HIPK1: variants seen among roughly 807,000 people sequenced by gnomAD.
HIPK1 encodes homeodomain-interacting protein kinase 1.
Under a neutral mutation model 117.1 loss-of-function variants are expected in HIPK1, and 28 were observed. The ratio of observed to expected loss-of-function variants is 0.24; its 90% CI spans 0.18 to 0.33. HIPK1 has a LOEUF of 0.33. Ranked by LOEUF, HIPK1 falls within the 10% of genes least tolerant of loss-of-function variation. The pLI is 1.00. For synonymous variants in HIPK1, 605 were observed against 562.5 expected (o/e 1.08, Z -1.07); for missense variants, 1,122 against 1,475.1 (o/e 0.76, Z 3.92).
intron 2 of HIPK1, among the ~76,000 whole-genome samples, chr1:113,945,242 G>A (rs1210744480): frequency 3.9e-5 from 6 of 152,082 alleles, no homozygotes; most frequent in African/African-American, 1.2e-4. Context: ...GCTTTTTGTT[G>A]TTGAGTTGTA....
In HIPK1 at chr1:113,941,503, G is replaced by C. The variant is rs1558128909; in HGVS notation, c.1076+44G>C. ...AAATCGTATCTTAGGCTAGAGTTCT[G>C]TCCTTATATTTAACATATACCCCGT... is the stretch of plus-strand genomic sequence containing the variant. On this transcript the variant is annotated intron_variant, in intron 2 of 15. Transcript: ENST00000426820. This position sits in a 1 kb window ranked among gnomAD's most constrained non-coding sequence, Gnocchi z 4.9. The C allele has an allele frequency of 2.7e-6, 4 of 1,474,184 alleles. No homozygotes were observed. Among genetic ancestry groups the C allele is most frequent in the East Asian group, 2.3e-5 (1 of 44,020 alleles). The allele number at this position is 1,474,184 out of a possible 1,614,324, so 91.3% of individuals were successfully genotyped here.
chr1:113,968,305 T>C (rs1672588662), intron 12 of HIPK1, 137 bp from the exon 13 acceptor site: 1 of 691,874 alleles, frequency 1.4e-6, no homozygotes, highest in East Asian at 2.6e-5. Context: ...TCACTGGAAC[T>C]TATATAGTTA....
intron 9 of HIPK1, 138 bp from the exon 10 acceptor site, chr1:113,963,249 G>C: frequency 1.0e-6 from 1 of 957,204 alleles, no homozygotes; most frequent in Non-Finnish European, 1.6e-6. Flanking sequence ...GGGGAAAGTT[G>C]TGTTTGGTAT....
rs754808804 is a variant in HIPK1, at chr1:113,973,252, T to C, written c.3373T>C (p.Ser1125Pro). Residue 1125 changes from serine to proline, a missense_variant, in exon 16 of 16, where the codon TCA becomes CCA. By Grantham distance (74) the Ser-to-Pro change is moderately conservative. This residue lies in a region of HIPK1 where 731 missense variants were observed against 860.4 expected (regional missense o/e 0.85). Coordinates refer to ENST00000426820, the MANE Select transcript of HIPK1 (RefSeq NM_198268.3). ...AAPTSAAALG[S>P]TSSIAHLFSP... ...CCCGACTTCTGCTGCTGCACTGGGC[T>C]CAACCAGCTCCATTGCTCATCTTTT... 30 of 1,614,018 alleles carry C rather than the reference T, an allele frequency of 1.9e-5. No individual in the cohort carries two copies. In the Admixed American group the frequency reaches 3.2e-4, roughly 17 times the overall value.
At chr1:113,959,372 G>A (rs186844952) in intron 8 of HIPK1, among the ~76,000 whole-genome samples, 1 of 152,292 alleles carries the variant, frequency 6.6e-6, no homozygotes. Flanking sequence ...AGGGAGAGCA[G>A]AGGGACAGAT....
chr1:113,936,315 C>A (rs1670245907), intron 1 of HIPK1, among the ~76,000 whole-genome samples: 1 of 152,174 alleles, frequency 6.6e-6, no homozygotes, highest in Admixed American at 6.5e-5. Context: ...AATATTAAAA[C>A]ATTCTGAAAA....
intron 2 of HIPK1, among the ~76,000 whole-genome samples, chr1:113,948,874 T>C (rs1248724613): frequency 6.6e-6 from 1 of 152,144 alleles, no homozygotes; most frequent in East Asian, 1.9e-4. Context: ...GTTTCGCTCT[T>C]ACGCCCAGTC....
intron 9 of HIPK1, 49 bp from the exon 10 acceptor site, chr1:113,963,338 T>C (rs1331558589): frequency 5.0e-6 from 8 of 1,602,724 alleles, no homozygotes; most frequent in Non-Finnish European, 6.8e-6. Context: ...TGAATCCAGA[T>C]ATCCTGCCTC....
chr1:113,970,250 TTAAA>T, intron 14 of HIPK1, 53 bp downstream of exon 14: 4 of 1,601,010 alleles, frequency 2.5e-6, no homozygotes, highest in Non-Finnish European at 3.4e-6. Flanking sequence ...GTGTGAATGC[TTAAA>T]TATTTTGCCA....
In HIPK1 at chr1:113,973,585, G is replaced by A; in HGVS notation, c.*73G>A. 1.3e-6 allele frequency: 2 copies of A among 1,494,606 alleles called. No individual in the cohort carries two copies. Among genetic ancestry groups the A allele is most frequent in the South Asian group, 2.7e-5 (2 of 74,096 alleles). The allele number at this position is 1,494,606 out of a possible 1,614,324, so 92.6% of individuals were successfully genotyped here. A position where few individuals can be genotyped will look rare whatever the true frequency, so the allele number is the denominator to read the frequency against. ...TGCGTTCTTAATATTGGGCTATGGA[G>A]AGATCCTCCTTTACCCTCTTGAAAT... On this transcript the variant is annotated 3_prime_UTR_variant, in exon 16 of 16. Transcript: ENST00000426820.
intron 1 of HIPK1, chr1:113,929,944 G>A: frequency 1.0e-6 from 1 of 985,406 alleles, no homozygotes; most frequent in Non-Finnish European, 1.2e-6. Flanking sequence ...CCGGCGGTGA[G>A]TGGGGACGGG....
At chr1:113,934,784 GAAAAAAA>G (rs564619583) in intron 1 of HIPK1, among the ~76,000 whole-genome samples, 6 of 51,524 alleles carry the variant, frequency 1.2e-4, no homozygotes, top group Admixed American at 2.4e-4. Context: ...CCTCATCTCT[GAAAAAAA>G]AAAAAAAAAA....
chr1:113,970,950 A>G (rs758780354), intron 14 of HIPK1, among the ~76,000 whole-genome samples: 3 of 152,212 alleles, frequency 2.0e-5, no homozygotes, highest in Non-Finnish European at 4.4e-5. Flanking sequence ...CCCCACCTAG[A>G]TGCAAGTGAG....
At chr1:113,968,287 G>A (rs1407719212) in intron 12 of HIPK1, among the ~76,000 whole-genome samples, 155 bp from the exon 13 acceptor site, 2 of 150,752 alleles carry the variant, frequency 1.3e-5, no homozygotes, top group Non-Finnish European at 3.0e-5. Flanking sequence ...CCAGCATGGT[G>A]CTTATTTTCA....
In HIPK1 at chr1:113,973,076, C is replaced by G. The variant is rs1468086674; in HGVS notation, c.3197C>G (p.Ala1066Gly). ...PTSQERSSNP[A>G]PRRQQAFVAP... The stretch of plus-strand genomic sequence containing the variant: ...TCACAGGAGAGAAGCAGCAACCCAG[C>G]CCCCCGCAGGCAGCAGGCGTTTGTG... Residue 1066 changes from alanine (A) to glycine (G), a missense_variant, in exon 16 of 16, where the codon GCC (alanine) becomes GGC (glycine). Coordinates refer to ENST00000426820, the MANE Select transcript of HIPK1 (RefSeq NM_198268.3). 6.5e-7 allele frequency: 1 copy of G among 1,530,472 alleles called. No homozygotes were observed. Among genetic ancestry groups the G allele is most frequent in the Non-Finnish European group, 8.8e-7 (1 of 1,139,656 alleles). 94.8% of individuals were successfully genotyped at this position (1,530,472 alleles called of 1,614,324 possible). A position where few individuals can be genotyped will look rare whatever the true frequency, so the allele number is the denominator to read the frequency against.
Position 113,929,447 on chromosome 1 carries a change from C to T in HIPK1, c.-88C>T. The T allele has an allele frequency of 7.8e-7, 1 of 1,289,350 alleles. No homozygotes were observed. The highest frequency in any genetic ancestry group is 1.2e-5 in the South Asian group (1 of 81,018). The allele number at this position is 1,289,350 out of a possible 1,614,324, so 79.9% of individuals were successfully genotyped here. A position where few individuals can be genotyped will look rare whatever the true frequency, so the allele number is the denominator to read the frequency against. The stretch of plus-strand genomic sequence containing the variant: ...ATCCACGCTGGCTCCCTACGGAGGC[C>T]CACCTACTCGAGGCCCACCGACTCC... On this transcript the variant is annotated 5_prime_UTR_variant, in exon 1 of 16. Coordinates refer to ENST00000426820, the MANE Select transcript of HIPK1 (RefSeq NM_198268.3).
At chr1:113,938,621 T>C (rs190069863) in intron 1 of HIPK1, among the ~76,000 whole-genome samples, 114 of 151,944 alleles carry the variant, frequency 7.5e-4, no homozygotes, top group African/African-American at 2.6e-3. Flanking sequence ...TGAAATATAC[T>C]TAGGAGGCCA....
intron 1 of HIPK1, among the ~76,000 whole-genome samples, chr1:113,930,146 G>A (rs1669765077): frequency 6.6e-6 from 1 of 152,226 alleles, no homozygotes; most frequent in South Asian, 2.1e-4. Flanking sequence ...CCAGGAAGGT[G>A]GGGAGGCTCC....
In HIPK1 at chr1:113,975,381, A is replaced by T. The variant is rs188427586; in HGVS notation, c.*1869A>T. On this transcript the variant is annotated 3_prime_UTR_variant, in exon 16 of 16. Coordinates refer to ENST00000426820, the MANE Select transcript of HIPK1 (RefSeq NM_198268.3). ...TGGATTCTCGGCTGAGTTCTCACAG[A>T]AGCATTTTCCCCATGTGGCTCTCTC... is the stretch of plus-strand genomic sequence containing the variant. 8 of 152,780 alleles carry T rather than the reference A, an allele frequency of 5.2e-5. No individual in the cohort carries two copies. Among genetic ancestry groups the T allele is most frequent in the Non-Finnish European group, 7.3e-5 (5 of 68,040 alleles). 9.5% of individuals were successfully genotyped at this position (152,780 alleles called of 1,614,324 possible).
Sources: allele counts gnomAD v4.1 joint callset (sites outside exome capture counted in the v4.1 genomes callset), GRCh38; gene constraint gnomAD v4.1.1; regional missense constraint gnomAD v4.1.1; non-coding constraint Gnocchi (gnomAD v3.1); transcripts MANE v1.5; gene names NCBI Gene and HGNC (gene_info 2026-07-23, HGNC 2026-07-21).